The following SLC9C1 variants were observed in gnomAD, a reference collection of about 807,000 sequenced individuals.
SLC9C1 encodes sodium/hydrogen exchanger 10.
A neutral mutation model predicts 140.9 loss-of-function variants in SLC9C1; 97 were observed. The ratio of observed to expected loss-of-function variants is 0.69; its 90% CI spans 0.58 to 0.82. The LOEUF (loss-of-function observed/expected upper bound fraction) is 0.82, where lower values mean the gene tolerates loss of function less well. SLC9C1 is among the 40% of genes least tolerant of loss of function. The probability of loss-of-function intolerance (pLI) is 0.00; values close to 1 mark genes in which losing one functional copy is unlikely to be tolerated. For synonymous variants in SLC9C1, 440 were observed against 442.6 expected (o/e 0.99, Z 0.07); for missense variants, 1,340 against 1,389.3 (o/e 0.96, Z 0.56).
chr3:112,281,699 A>T (rs2080361628), intron 2 of SLC9C1, among the ~76,000 whole-genome samples: 1 of 152,226 alleles, frequency 6.6e-6, no homozygotes, highest in Non-Finnish European at 1.5e-5. Context: ...GAAGATTTAT[A>T]TCATAAGGAT....
intron 6 of SLC9C1, among the ~76,000 whole-genome samples, chr3:112,271,725 T>G (rs949372493): frequency 1.3e-5 from 2 of 152,094 alleles, no homozygotes; most frequent in Admixed American, 1.3e-4. Flanking sequence ...ATACTCTAGA[T>G]CTAATGTAAT....
intron 23 of SLC9C1, among the ~76,000 whole-genome samples, chr3:112,173,168 C>T (rs1415034066): frequency 6.6e-6 from 1 of 152,162 alleles, no homozygotes; most frequent in Non-Finnish European, 1.5e-5. Context: ...GTAAAACCAT[C>T]TGGCATGGAG....
chr3:112,238,875 G>A (rs568576672), intron 12 of SLC9C1, among the ~76,000 whole-genome samples: 4 of 152,300 alleles, frequency 2.6e-5, no homozygotes, highest in Admixed American at 6.5e-5. Context: ...CTACTGGGGG[G>A]TGCCTCCCGG....
chr3:112,261,752 GTATT>G (rs1356606520), intron 10 of SLC9C1, among the ~76,000 whole-genome samples: 1 of 152,034 alleles, frequency 6.6e-6, no homozygotes, highest in East Asian at 1.9e-4. Flanking sequence ...ATCAGAGCTT[GTATT>G]TATTGTACAA....
chr3:112,225,553 C>A (rs59877695), intron 13 of SLC9C1, among the ~76,000 whole-genome samples: 1 of 151,062 alleles, frequency 6.6e-6, no homozygotes, highest in Non-Finnish European at 1.5e-5. Flanking sequence ...AAAAAAAAAA[C>A]ACATGACACC....
chr3:112,266,553 C>T (rs2079923311), intron 7 of SLC9C1, among the ~76,000 whole-genome samples: 1 of 152,108 alleles, frequency 6.6e-6, no homozygotes, highest in Non-Finnish European at 1.5e-5. Flanking sequence ...TATTATAAAG[C>T]CTACTATGGG....
chr3:112,162,087 A>G (rs181697820), intron 26 of SLC9C1, among the ~76,000 whole-genome samples: 14 of 152,268 alleles, frequency 9.2e-5, no homozygotes, highest in Non-Finnish European at 1.5e-4. Context: ...TTGTTGGTGT[A>G]TAAGAATGCT....
chr3:112,281,041 T>A (rs960513166), intron 2 of SLC9C1, among the ~76,000 whole-genome samples: 1 of 152,186 alleles, frequency 6.6e-6, no homozygotes, highest in East Asian at 1.9e-4. Flanking sequence ...AATTATTGGC[T>A]CTTGGGTTAC....
chr3:112,235,696 C>T (rs902767797), intron 12 of SLC9C1, among the ~76,000 whole-genome samples: 4 of 152,082 alleles, frequency 2.6e-5, no homozygotes, highest in Admixed American at 6.6e-5. Context: ...TGCATTTTGT[C>T]AAAGGCCTTT....
At chr3:112,289,399 C>T (rs2080612093) in intron 1 of SLC9C1, among the ~76,000 whole-genome samples, 1 of 152,160 alleles carries the variant, frequency 6.6e-6, no homozygotes, top group Admixed American at 6.5e-5. Flanking sequence ...GAGGACAATT[C>T]CGTGATTGAG....
In SLC9C1 at chr3:112,270,083, A is replaced by T; in HGVS notation, c.614-6T>A. On this transcript the variant is annotated splice_polypyrimidine_tract_variant and splice_region_variant and intron_variant, in intron 6 of 28. Coordinates refer to ENST00000305815, the MANE Select transcript of SLC9C1 (RefSeq NM_183061.3). The stretch of plus-strand genomic sequence containing the variant: ...TCCACCCACGATCTCTTCAGCTACA[A>T]GAAAGGGGCGTAAATAAGAAATAGT... The T allele has an allele frequency of 6.5e-7, 1 of 1,530,414 alleles. No individual in the cohort carries two copies. Among genetic ancestry groups the T allele is most frequent in the South Asian group, 1.3e-5 (1 of 76,978 alleles). The allele number at this position is 1,530,414 out of a possible 1,614,324, so 94.8% of individuals were successfully genotyped here.
chr3:112,208,357 T>A lies in SLC9C1; in HGVS notation c.1807A>T (p.Ile603Leu). Residue 603 changes from isoleucine (I) to leucine (L), a missense_variant, in exon 16 of 29, where the codon ATA becomes TTA. Physicochemically the swap from Ile to Leu is conservative, Grantham distance 5. Coordinates refer to ENST00000305815, the MANE Select transcript of SLC9C1 (RefSeq NM_183061.3). ...EGPSKYFFFR[I>L]CHTIVFTEEF... is the part of the protein sequence containing the mutation. ...TCAGTAAATACTATTGTATGGCATA[T>A]ACGAAAAAAGAAGTATCTGTAAAAC... 6.4e-7 allele frequency: 1 copy of A among 1,552,732 alleles called. No individual in the cohort carries two copies. Among genetic ancestry groups the A allele is most frequent in the Non-Finnish European group, 8.7e-7 (1 of 1,151,722 alleles).
chr3:112,161,751 C>T (rs199751253), intron 26 of SLC9C1, among the ~76,000 whole-genome samples: 4,125 of 151,632 alleles, frequency 0.027, 154 homozygotes, highest in East Asian at 0.16. Context: ...CTTGGCGATG[C>T]GGGCTCTTTT....
At chr3:112,167,393 CA>C in intron 25 of SLC9C1, 46 bp from the exon 26 acceptor site, 1 of 1,522,248 alleles carries the variant, frequency 6.6e-7, no homozygotes, top group Non-Finnish European at 8.8e-7. Context: ...AAATATCCTA[CA>C]ATTAAAAATT....
At chr3:112,250,158 C>T (rs1387882017) in intron 10 of SLC9C1, among the ~76,000 whole-genome samples, 12 of 150,638 alleles carry the variant, frequency 8.0e-5, no homozygotes, top group South Asian at 2.1e-4. Context: ...TGAGAACATG[C>T]GGTGTTTGGT....
At chr3:112,162,739 G>T (rs2075344621) in intron 26 of SLC9C1, among the ~76,000 whole-genome samples, 1 of 146,208 alleles carries the variant, frequency 6.8e-6, no homozygotes, top group Non-Finnish European at 1.5e-5. Context: ...TCTCTTTTTT[G>T]GTTGTGTCTC....
intron 13 of SLC9C1, among the ~76,000 whole-genome samples, chr3:112,222,897 G>A (rs1165966114): frequency 1.3e-5 from 2 of 152,088 alleles, no homozygotes; most frequent in African/African-American, 2.4e-5. Context: ...TCATATAAAT[G>A]TATCATTACT....
intron 15 of SLC9C1, among the ~76,000 whole-genome samples, chr3:112,213,358 A>G (rs1047688800): frequency 8.5e-5 from 13 of 152,198 alleles, no homozygotes. Context: ...ACATAACAAT[A>G]TTAACCTTAA....
chr3:112,264,455 A>G, intron 8 of SLC9C1, 112 bp from the exon 9 acceptor site: 1 of 487,726 alleles, frequency 2.1e-6, no homozygotes, highest in Non-Finnish European at 3.2e-6. Flanking sequence ...AAATGAATAA[A>G]ACATTTACAA....
Sources: gnomAD v4.1 joint callset for allele counts (sites outside exome capture counted in the v4.1 genomes callset) on GRCh38, gnomAD v4.1.1 for gene constraint, MANE v1.5 for transcripts, NCBI Gene and HGNC (gene_info 2026-07-23, HGNC 2026-07-21) for gene names.